DDX60L: variants seen among roughly 807,000 people sequenced by gnomAD.
DDX60L encodes DExD/H-box 60 like.
In DDX60L, 191 loss-of-function variants were observed where a neutral mutation model predicts 211.6. That is an observed-to-expected ratio of 0.90 (90% CI 0.80 to 1.02). The LOEUF (loss-of-function observed/expected upper bound fraction) is 1.02. DDX60L is among the 50% of genes least tolerant of loss of function. DDX60L has a pLI of 0.00. For synonymous variants in DDX60L, 706 were observed against 694.1 expected (o/e 1.02, Z -0.27); for missense variants, 2,007 against 1,984.1 (o/e 1.01, Z -0.22).
intron 1 of DDX60L, among the ~76,000 whole-genome samples, chr4:168,479,444 G>A (rs1259087194): frequency 2.0e-5 from 3 of 152,118 alleles, no homozygotes; most frequent in African/African-American, 7.2e-5. Flanking sequence ...TTCTTATTGT[G>A]TCTTTAAAGG....
intron 10 of DDX60L, among the ~76,000 whole-genome samples, chr4:168,434,161 A>G (rs914824971): frequency 2.0e-5 from 3 of 151,920 alleles, no homozygotes; most frequent in Non-Finnish European, 4.4e-5. Flanking sequence ...GAGTGTGTAC[A>G]TGTGTATATC....
At chr4:168,449,634 AAAC>A (rs1211444454) in intron 8 of DDX60L, among the ~76,000 whole-genome samples, 7 of 52,940 alleles carry the variant, frequency 1.3e-4, no homozygotes, top group African/African-American at 4.2e-4. Context: ...AAAAACATTA[AAAC>A]AAAAAAAAAA....
intron 26 of DDX60L, 37 bp from the exon 27 acceptor site, chr4:168,396,161 G>A: frequency 2.4e-6 from 3 of 1,232,184 alleles, no homozygotes; most frequent in Non-Finnish European, 3.3e-6. Context: ...TTTAAGTAAT[G>A]AAAACTCATA....
At chr4:168,406,523 AC>A in intron 23 of DDX60L, 78 bp downstream of exon 23, 1 of 980,256 alleles carries the variant, frequency 1.0e-6, no homozygotes, top group South Asian at 1.5e-5. Flanking sequence ...AAGTGTGCTT[AC>A]CTGTAGAGTA....
At chr4:168,443,488 C>T (rs1169020996) in intron 9 of DDX60L, among the ~76,000 whole-genome samples, 1 of 151,760 alleles carries the variant, frequency 6.6e-6, no homozygotes, top group Non-Finnish European at 1.5e-5. Context: ...TCCAATCTAG[C>T]AAGGCAGGCC....
rs374045342 is a variant in DDX60L, at chr4:168,378,428, A to G, written c.4411T>C (p.Leu1471=). The G allele has an allele frequency of 2.0e-5, 31 of 1,575,476 alleles. No individual in the cohort carries two copies. The South Asian group carries it at 3.2e-4, about 16-fold the overall frequency. Reference sequence around the variant, plus strand: ...TATTTTCTTCCAAACAAATTTGCCAATACTAACACGAGCTTTTCCATCACA... The same window carrying G: ...TATTTTCTTCCAAACAAATTTGCCAGTACTAACACGAGCTTTTCCATCACA... ...QDVMEKLVLV[L]ANLFGRKYIP... Residue 1471 remains leucine (L), a synonymous_variant, in exon 33 of 38, where the codon TTG becomes CTG. Coordinates refer to ENST00000682922, the MANE Select transcript of DDX60L (RefSeq NM_001012967.3).
intron 29 of DDX60L, among the ~76,000 whole-genome samples, chr4:168,385,964 G>A (rs559903169): frequency 2.0e-5 from 3 of 152,080 alleles, no homozygotes; most frequent in African/African-American, 7.2e-5. Flanking sequence ...GAGAGAGGGA[G>A]GGAGTGATAG....
intron 35 of DDX60L, among the ~76,000 whole-genome samples, chr4:168,372,628 G>A (rs1330358775): frequency 6.6e-6 from 1 of 151,988 alleles, no homozygotes; most frequent in Non-Finnish European, 1.5e-5. Context: ...ATGGGAGACT[G>A]AGGTGGGAGG....
Position 168,419,346 on chromosome 4 carries a change from G to T in DDX60L, c.2566C>A (p.Arg856Ser), listed in dbSNP as rs570199575. Residue 856 changes from arginine to serine, a missense_variant, in exon 19 of 38, where the codon CGC becomes AGC. Arg to Ser is a moderately radical substitution (Grantham distance 110, BLOSUM62 -1). Coordinates refer to ENST00000682922, the MANE Select transcript of DDX60L (RefSeq NM_001012967.3). ...CTGATCCTTTCCACCCATTTTTGGC[G>T]ATGAGGAGCAAGCAACAGGATTTCA... ...CFEILLLAPH[R>S]QKWVERIRYV... 2 of 1,599,178 alleles carry T rather than the reference G, an allele frequency of 1.3e-6. No homozygotes were observed. The highest frequency in any genetic ancestry group is 1.7e-5 in the Admixed American group (1 of 58,356).
At chr4:168,367,905 A>G (rs974040089) in intron 36 of DDX60L, among the ~76,000 whole-genome samples, 4 of 152,202 alleles carry the variant, frequency 2.6e-5, no homozygotes, top group African/African-American at 9.7e-5. Flanking sequence ...GTACCTGGAG[A>G]AAGAAATTTC....
Position 168,427,339 on chromosome 4 carries a change from G to A in DDX60L, c.1678-17C>T, listed in dbSNP as rs1751624397. 6.3e-7 allele frequency: 1 copy of A among 1,596,076 alleles called. No homozygotes were observed. The highest frequency in any genetic ancestry group is 8.5e-7 in the Non-Finnish European group (1 of 1,174,182). ...TTTGGTATTCTGCTCAATAATAAAA[G>A]GAACATATGAAACAAGTGGGAAAAT... On this transcript the variant is annotated splice_polypyrimidine_tract_variant and intron_variant, in intron 13 of 37. Transcript: ENST00000682922.
chr4:168,420,375 A>C lies in DDX60L; in HGVS notation c.2400T>G (p.Leu800=). 6.2e-7 allele frequency: 1 copy of C among 1,606,696 alleles called. No homozygotes were observed. Among genetic ancestry groups the C allele is most frequent in the Non-Finnish European group, 8.5e-7 (1 of 1,178,198 alleles). The change falls in exon 18 of 38, where the codon CTT becomes CTG. Residue 800 remains leucine, a synonymous_variant. Transcript: ENST00000682922. ...CAACAGTTGCAGCCACTTGACCAAC[A>C]AGGGACTGATTGACAAGAAAAAAAA... ...VVVYVAPAKS[L]VGQVAATVEN...
intron 27 of DDX60L, 174 bp downstream of exon 27, chr4:168,395,785 G>A (rs1906755): frequency 5.4e-6 from 3 of 559,942 alleles, no homozygotes; most frequent in African/African-American, 1.9e-5. Flanking sequence ...GTCACTTATA[G>A]AACTTTAGCA....
chr4:168,451,000 T>C (rs1342298279), intron 8 of DDX60L, among the ~76,000 whole-genome samples: 1 of 152,202 alleles, frequency 6.6e-6, no homozygotes, highest in South Asian at 2.1e-4. Flanking sequence ...CATCCTCATA[T>C]TATCTGCAGA....
chr4:168,419,794 G>A (rs1750182990), intron 18 of DDX60L, among the ~76,000 whole-genome samples: 2 of 152,182 alleles, frequency 1.3e-5, no homozygotes, highest in African/African-American at 4.8e-5. Flanking sequence ...AGAAAAGGTT[G>A]GGTAGTCATT....
In DDX60L at chr4:168,419,313, TA is replaced by T; in HGVS notation, c.2598del (p.Ile867TyrfsTer35). The T allele has an allele frequency of 6.3e-7, 1 of 1,594,130 alleles. No individual in the cohort carries two copies. Among genetic ancestry groups the T allele is most frequent in the Non-Finnish European group, 8.6e-7 (1 of 1,168,690 alleles). On this transcript the variant is annotated frameshift_variant, in exon 19 of 38. Transcript: ENST00000682922. LOFTEE classifies it high-confidence loss of function. ...AACACCAAACCTACCTCATCAAATA[TA>T]ACATATCTGATCCTTTCCACCCATT... ...RQKWVERIRYVIFDEVHYLGR... is the reference protein window; with the variant it reads ...RQKWVERIRYXIFDEVHYLGR...
intron 36 of DDX60L, 82 bp from the exon 37 acceptor site, chr4:168,361,293 T>C (rs1739073041): frequency 1.2e-6 from 1 of 860,676 alleles, no homozygotes; most frequent in East Asian, 2.7e-5. Context: ...TAGTGGTCTG[T>C]CCATGGCAGT....
chr4:168,422,024 G>T (rs1750718678), intron 16 of DDX60L, 115 bp from the exon 17 acceptor site: 3 of 1,279,904 alleles, frequency 2.3e-6, no homozygotes, highest in African/African-American at 1.5e-5. Context: ...ACCTTTGGGG[G>T]AACTCCCTGA....
intron 33 of DDX60L, 21 bp downstream of exon 33, chr4:168,378,333 T>G (rs1441792399): frequency 7.8e-7 from 1 of 1,280,714 alleles, no homozygotes; most frequent in Admixed American, 2.1e-5. Context: ...ATTATATCAT[T>G]GTAAGTATAA....
Sources: gnomAD v4.1 joint callset for allele counts (sites outside exome capture counted in the v4.1 genomes callset) on GRCh38, gnomAD v4.1.1 for gene constraint, MANE v1.5 for transcripts, NCBI Gene and HGNC (gene_info 2026-07-23, HGNC 2026-07-21) for gene names.